The following INTS4 variants were observed in gnomAD, a reference collection of about 807,000 sequenced individuals.
INTS4 encodes integrator complex subunit 4, also known as MSTP093.
In INTS4, 70 loss-of-function variants were observed where a neutral mutation model predicts 119.5. The ratio of observed to expected loss-of-function variants is 0.59; its 90% CI spans 0.48 to 0.71. The LOEUF is 0.71. Ranked by LOEUF, INTS4 falls within the 30% of genes least tolerant of loss-of-function variation. The pLI is 0.00. For synonymous variants in INTS4, 316 were observed against 419.6 expected, an observed-to-expected ratio of 0.75 and a Z score of 3.02; for missense variants, 867 against 1,173.2, an observed-to-expected ratio of 0.74 and a Z score of 3.81.
intron 15 of INTS4, among the ~76,000 whole-genome samples, chr11:77,910,429 C>T (rs1339137861): frequency 7.2e-6 from 1 of 139,082 alleles, no homozygotes; most frequent in Non-Finnish European, 1.5e-5. Flanking sequence ...AACATCACAC[C>T]CCGGGGCCTG....
intron 15 of INTS4, among the ~76,000 whole-genome samples, chr11:77,909,020 C>G (rs1953028790): frequency 6.6e-6 from 1 of 152,152 alleles, no homozygotes; most frequent in Admixed American, 6.5e-5. Flanking sequence ...GATATGTGAC[C>G]TGAGTTGACC....
intron 4 of INTS4, among the ~76,000 whole-genome samples, chr11:77,969,052 T>C (rs1855604935): frequency 6.6e-6 from 1 of 152,060 alleles, no homozygotes; most frequent in Non-Finnish European, 1.5e-5. Context: ...CAAGTGATTC[T>C]CATGCCTCAG....
chr11:77,980,720 G>A (rs955042103), intron 3 of INTS4, among the ~76,000 whole-genome samples: 10 of 152,160 alleles, frequency 6.6e-5, no homozygotes, highest in Non-Finnish European at 1.3e-4. Flanking sequence ...GCCGGGCACA[G>A]TGGCTCACGC....
At chr11:77,903,145 A>G (rs1243895744) in intron 17 of INTS4, among the ~76,000 whole-genome samples, 1 of 152,226 alleles carries the variant, frequency 6.6e-6, no homozygotes, top group Non-Finnish European at 1.5e-5. Context: ...AGCAAATCAG[A>G]GGAAGACCTG....
At chr11:77,929,669 G>C (rs906323699) in intron 10 of INTS4, among the ~76,000 whole-genome samples, 2 of 152,150 alleles carry the variant, frequency 1.3e-5, no homozygotes, top group African/African-American at 4.8e-5. Context: ...TCATATAGTA[G>C]TTAAGGATAC....
chr11:77,911,368 C>G (rs1469466487), intron 15 of INTS4, among the ~76,000 whole-genome samples: 1 of 152,184 alleles, frequency 6.6e-6, no homozygotes. Context: ...TTTCGCTTCT[C>G]TGATTTTTCT....
chr11:77,979,244 G>A, intron 3 of INTS4, 142 bp from the exon 4 acceptor site: 1 of 522,520 alleles, frequency 1.9e-6, no homozygotes. Flanking sequence ...GCCTAGGCAG[G>A]AGAATCCCTT....
chr11:77,975,542 T>C (rs1855910290), intron 4 of INTS4, among the ~76,000 whole-genome samples: 1 of 151,772 alleles, frequency 6.6e-6, no homozygotes, highest in Non-Finnish European at 1.5e-5. Flanking sequence ...TAAACCAAAA[T>C]GGCATTTGGC....
intron 15 of INTS4, among the ~76,000 whole-genome samples, chr11:77,911,385 A>C (rs1953086185): frequency 6.6e-6 from 1 of 152,156 alleles, no homozygotes; most frequent in African/African-American, 2.4e-5. Context: ...TTCTCTTGCA[A>C]GAGACAGCCC....
intron 2 of INTS4, among the ~76,000 whole-genome samples, chr11:77,983,378 A>T (rs886268167): frequency 2.0e-5 from 3 of 152,188 alleles, no homozygotes; most frequent in East Asian, 3.8e-4. Flanking sequence ...TGCTGGGATT[A>T]CACGTGTGAG....
At chr11:77,922,111 C>G (rs1376493085) in intron 13 of INTS4, among the ~76,000 whole-genome samples, 2 of 151,542 alleles carry the variant, frequency 1.3e-5, no homozygotes, top group African/African-American at 4.9e-5. Context: ...GCCTATAATC[C>G]CAGCTACTCA....
chr11:77,960,339 A>G lies in INTS4; in HGVS notation c.708+2T>C. 1 of 1,594,934 alleles carries G rather than the reference A, an allele frequency of 6.3e-7. No homozygotes were observed. The highest frequency in any genetic ancestry group is 8.6e-7 in the Non-Finnish European group (1 of 1,163,952). ...CTTCCAGACAGTAATCATATAAGGT[A>G]CCTGATTATAAATTGTTTGGTGTAA... On this transcript the variant is annotated splice_donor_variant, in intron 6 of 22. Transcript: ENST00000534064. LOFTEE classifies it high-confidence loss of function.
At chr11:77,936,026 A>C (rs1244980947) in intron 10 of INTS4, among the ~76,000 whole-genome samples, 1 of 151,976 alleles carries the variant, frequency 6.6e-6, no homozygotes, top group African/African-American at 2.4e-5. Flanking sequence ...AAAGTATAAG[A>C]CCTGAAAAAA....
chr11:77,982,554 T>TA (rs1292250582), intron 2 of INTS4, among the ~76,000 whole-genome samples: 1 of 152,032 alleles, frequency 6.6e-6, no homozygotes, highest in East Asian at 1.9e-4. Context: ...GACAAAGAAA[T>TA]AGTCTGGCTG....
At position 77,907,789 on chromosome 11, in the gene INTS4, T is replaced by G; in HGVS notation, c.1944A>C (p.Glu648Asp). Reference sequence around the variant, plus strand: ...CTACTCCTGCCAATTCAGATTGAAGTTCTCCAAGTCTTTGCAGATCCCTAT... The same window carrying G: ...CTACTCCTGCCAATTCAGATTGAAGGTCTCCAAGTCTTTGCAGATCCCTAT... ...FTIRDLQRLG[E>D]LQSELAGVAD... The change falls in exon 16 of 23, where the codon GAA becomes GAC. Residue 648 changes from glutamate to aspartate, a missense_variant. This residue lies in a region of INTS4 where 262 missense variants were observed against 376.0 expected (regional missense o/e 0.70). Coordinates refer to ENST00000534064, the MANE Select transcript of INTS4 (RefSeq NM_033547.4). The G allele has an allele frequency of 6.2e-7, 1 of 1,613,394 alleles. No individual in the cohort carries two copies. The highest frequency in any genetic ancestry group is 1.1e-5 in the South Asian group (1 of 91,042).
In INTS4 at chr11:77,891,412, G is replaced by T; in HGVS notation, c.2499C>A (p.Asn833Lys). 1 of 1,613,568 alleles carries T rather than the reference G, an allele frequency of 6.2e-7. No homozygotes were observed. The highest frequency in any genetic ancestry group is 1.3e-5 in the African/African-American group (1 of 75,036). Residue 833 changes from asparagine to lysine, a missense_variant, in exon 21 of 23, where the codon AAC (asparagine) becomes AAA (lysine). By Grantham distance (94) the Asn-to-Lys change is moderately conservative. Transcript: ENST00000534064. ...CCAACCCAGAGGTAAACCGCAAAGG[G>T]TTGTCTGACTCGCCCGCTGGCTCGA... ...TIIEPAGESD[N>K]PLRFTSGLVV...
At chr11:77,950,416 A>G (rs568304589) in intron 8 of INTS4, among the ~76,000 whole-genome samples, 1 of 152,232 alleles carries the variant, frequency 6.6e-6, no homozygotes, top group South Asian at 2.1e-4. Flanking sequence ...GTTAGCAGAC[A>G]CTGGGGAGGG....
At chr11:77,875,135 A>C (rs1266007381), downstream of INTS4, among the ~76,000 whole-genome samples, 2 of 152,168 alleles carry the variant, frequency 1.3e-5, no homozygotes, top group East Asian at 3.8e-4. Context: ...TCTCAAAGCA[A>C]ATATAAAGTC....
intron 11 of INTS4, 28 bp from the exon 12 acceptor site, chr11:77,924,920 T>C (rs1190879713): frequency 2.6e-6 from 4 of 1,568,354 alleles, no homozygotes; most frequent in Admixed American, 1.7e-5. Flanking sequence ...ATAATAACAG[T>C]AGTTACTGTT....
Sources: gnomAD v4.1 joint callset for allele counts (sites outside exome capture counted in the v4.1 genomes callset) on GRCh38, gnomAD v4.1.1 for gene constraint, gnomAD v4.1.1 regional missense constraint, MANE v1.5 for transcripts, NCBI Gene and HGNC (gene_info 2026-07-23, HGNC 2026-07-21) for gene names.